Variants in MVB12B observed in about 807,000 individuals in gnomAD.
The protein encoded by MVB12B is multivesicular body subunit 12B.
In MVB12B, 16 loss-of-function variants were observed where a neutral mutation model predicts 41.6. The ratio of observed to expected loss-of-function variants is 0.38; its 90% CI spans 0.26 to 0.58. The LOEUF (loss-of-function observed/expected upper bound fraction) is 0.58, where lower values mean the gene tolerates loss of function less well. Ranked by LOEUF, MVB12B falls within the 20% of genes least tolerant of loss-of-function variation. The pLI is 0.62. For synonymous variants in MVB12B, 133 were observed against 139.7 expected (o/e 0.95, Z 0.34); for missense variants, 274 against 380.2 (o/e 0.72, Z 2.32).
rs550776804 is a variant in MVB12B at position 126,335,108 on chromosome 9, G to A, written c.82-5400G>A. On this transcript the variant is annotated intron_variant, in intron 1 of 9. Coordinates refer to ENST00000361171, the MANE Select transcript of MVB12B (RefSeq NM_033446.3). ...GTTCCCGAGCTGGAAAATTCTTTGC[G>A]ATCTAGGAGAGCTTAGAAAAATATT... is the stretch of plus-strand genomic sequence containing the variant. The A allele has an allele frequency of 2.1e-5, 10 of 472,036 alleles. No homozygotes were observed. In the East Asian group the frequency reaches 3.3e-4, roughly 15 times the overall value. 29.2% of individuals were successfully genotyped at this position (472,036 alleles called of 1,614,324 possible).
chr9:126,337,417 T>TA (rs1464617706), intron 1 of MVB12B, among the ~76,000 whole-genome samples: 5 of 152,210 alleles, frequency 3.3e-5, no homozygotes, highest in Admixed American at 2.6e-4. Flanking sequence ...AATCCCGTGT[T>TA]ACTTTTATCC....
intron 2 of MVB12B, 76 bp from the exon 3 acceptor site, chr9:126,380,988 G>A: frequency 9.2e-7 from 1 of 1,086,386 alleles, no homozygotes; most frequent in Non-Finnish European, 1.4e-6. Flanking sequence ...GAACAGGCGT[G>A]GAAGAAGTGG....
At chr9:126,373,910 A>C (rs1270861426) in intron 2 of MVB12B, among the ~76,000 whole-genome samples, 1 of 152,260 alleles carries the variant, frequency 6.6e-6, no homozygotes, top group Admixed American at 6.5e-5. Flanking sequence ...TGCAGAGCCA[A>C]ACAGTGGTTA....
intron 7 of MVB12B, among the ~76,000 whole-genome samples, chr9:126,460,519 G>A (rs945986603): frequency 3.9e-5 from 6 of 152,066 alleles, no homozygotes; most frequent in African/African-American, 7.2e-5. Flanking sequence ...GCATCTGCTC[G>A]GACTCCATTT....
At chr9:126,460,448 G>T (rs1213376099) in intron 7 of MVB12B, among the ~76,000 whole-genome samples, 1 of 152,160 alleles carries the variant, frequency 6.6e-6, no homozygotes, top group Non-Finnish European at 1.5e-5. Flanking sequence ...TGTGCTCTTG[G>T]TCATGCCAGG....
chr9:126,440,088 T>G (rs1832592021), intron 7 of MVB12B, among the ~76,000 whole-genome samples: 1 of 152,194 alleles, frequency 6.6e-6, no homozygotes, highest in Non-Finnish European at 1.5e-5. Flanking sequence ...ATGCCTGGTT[T>G]GGACAGATGC....
intron 6 of MVB12B, among the ~76,000 whole-genome samples, chr9:126,404,439 C>T (rs1831359510): frequency 1.3e-5 from 2 of 152,198 alleles, no homozygotes; most frequent in Non-Finnish European, 1.5e-5. Context: ...GTCACGAGGC[C>T]CCCAGCCGTG....
At chr9:126,348,548 C>A (rs969074813) in intron 2 of MVB12B, among the ~76,000 whole-genome samples, 1 of 152,172 alleles carries the variant, frequency 6.6e-6, no homozygotes, top group Non-Finnish European at 1.5e-5. Flanking sequence ...CCAAAGTTCC[C>A]GCTAATGACT....
At chr9:126,429,411 C>T (rs368050867) in intron 7 of MVB12B, among the ~76,000 whole-genome samples, 3 of 152,178 alleles carry the variant, frequency 2.0e-5, no homozygotes, top group Non-Finnish European at 2.9e-5. Flanking sequence ...GTCAGGCGCA[C>T]GCACACTGCC....
intron 7 of MVB12B, among the ~76,000 whole-genome samples, chr9:126,431,868 G>A (rs1299143476): frequency 6.6e-6 from 1 of 152,194 alleles, no homozygotes; most frequent in African/African-American, 2.4e-5. Flanking sequence ...TAACAATATC[G>A]ATCATTTGAA....
chr9:126,467,365 C>T (rs1253574391), intron 7 of MVB12B, among the ~76,000 whole-genome samples: 1 of 152,186 alleles, frequency 6.6e-6, no homozygotes. Flanking sequence ...TTGGGAGGCC[C>T]ACGGTGCTGG....
At chr9:126,472,030 G>A (rs1833324251) in intron 7 of MVB12B, among the ~76,000 whole-genome samples, 1 of 151,380 alleles carries the variant, frequency 6.6e-6, no homozygotes, top group African/African-American at 2.4e-5. Context: ...TCTTTATCAA[G>A]CATGTTGAAA....
At chr9:126,463,503 A>G (rs1833134303) in intron 7 of MVB12B, among the ~76,000 whole-genome samples, 1 of 152,204 alleles carries the variant, frequency 6.6e-6, no homozygotes, top group African/African-American at 2.4e-5. Flanking sequence ...CAACTCACAC[A>G]AAATAGAAGT....
At chr9:126,335,106 G>C (rs1829238574) in intron 1 of MVB12B, 3 of 447,582 alleles carry the variant, frequency 6.7e-6, no homozygotes, top group Non-Finnish European at 9.9e-6. Flanking sequence ...AAAATTCTTT[G>C]CGATCTAGGA....
chr9:126,400,649 G>T (rs1831242244), intron 6 of MVB12B, among the ~76,000 whole-genome samples: 1 of 152,184 alleles, frequency 6.6e-6, no homozygotes, highest in Non-Finnish European at 1.5e-5. Flanking sequence ...GGTTTCAGAG[G>T]TCCTCAAGCC....
At chr9:126,442,252 G>A (rs1588176063) in intron 7 of MVB12B, among the ~76,000 whole-genome samples, 1 of 152,176 alleles carries the variant, frequency 6.6e-6, no homozygotes, top group East Asian at 1.9e-4. Context: ...TATCCGCAGG[G>A]CCCTAGAGGC....
At chr9:126,377,120 T>A (rs927140960) in intron 2 of MVB12B, among the ~76,000 whole-genome samples, 4 of 152,172 alleles carry the variant, frequency 2.6e-5, no homozygotes, top group African/African-American at 4.8e-5. Context: ...ATTTGATTGT[T>A]GTTTTAGAAG....
intron 2 of MVB12B, among the ~76,000 whole-genome samples, chr9:126,371,184 C>T (rs921406629): frequency 3.9e-5 from 6 of 152,204 alleles, no homozygotes; most frequent in South Asian, 2.1e-4. Context: ...GCCGACCAGC[C>T]GCAAGGCAAC....
At chr9:126,354,098 T>C (rs920032567) in intron 2 of MVB12B, among the ~76,000 whole-genome samples, 2 of 152,228 alleles carry the variant, frequency 1.3e-5, no homozygotes, top group Non-Finnish European at 2.9e-5. Flanking sequence ...AGGCTGAGCA[T>C]CTTTTCATGT....
Sources: gnomAD v4.1 joint callset for allele counts (sites outside exome capture counted in the v4.1 genomes callset) on GRCh38, gnomAD v4.1.1 for gene constraint, MANE v1.5 for transcripts, NCBI Gene and HGNC (gene_info 2026-07-23, HGNC 2026-07-21) for gene names.